MYZAP: variants seen among roughly 807,000 people sequenced by gnomAD.
MYZAP encodes the protein myocardial zonula adherens protein.
Under a neutral mutation model 69.4 loss-of-function variants are expected in MYZAP, and 66 were observed. The ratio of observed to expected loss-of-function variants is 0.95; its 90% CI spans 0.78 to 1.17. The LOEUF (loss-of-function observed/expected upper bound fraction) is 1.17, where lower values mean the gene tolerates loss of function less well. Ranked by LOEUF, MYZAP falls within the 50% of genes most tolerant of loss-of-function variation. The pLI is 0.00. For synonymous variants in MYZAP, 256 were observed against 205.9 expected (o/e 1.24, Z -2.09); for missense variants, 611 against 556.2 (o/e 1.10, Z -0.99).
chr15:57,676,288 A>G (rs1422139189), intron 12 of MYZAP, among the ~76,000 whole-genome samples: 1 of 151,828 alleles, frequency 6.6e-6, no homozygotes, highest in Non-Finnish European at 1.5e-5. Context: ...CAAAGAATTT[A>G]CCAAAAGCGG....
chr15:57,625,649 A>T, intron 4 of MYZAP, 130 bp from the exon 5 acceptor site: 1 of 813,806 alleles, frequency 1.2e-6, no homozygotes, highest in Non-Finnish European at 2.0e-6. Flanking sequence ...TTGACTTTTA[A>T]TTTAAAGCTT....
chr15:57,623,135 C>T (rs532789482), intron 4 of MYZAP, among the ~76,000 whole-genome samples: 2 of 152,278 alleles, frequency 1.3e-5, no homozygotes, highest in South Asian at 4.2e-4. Flanking sequence ...AAAACCATCC[C>T]ATGATATAAT....
At chr15:57,621,852 T>G (rs888154597) in intron 4 of MYZAP, 152 bp downstream of exon 4, 2 of 681,698 alleles carry the variant, frequency 2.9e-6, no homozygotes, top group Non-Finnish European at 4.4e-6. Context: ...TATCACAGAA[T>G]GAAATTTATT....
chr15:57,676,763 T>A (rs1041980208), intron 12 of MYZAP, among the ~76,000 whole-genome samples: 4 of 152,140 alleles, frequency 2.6e-5, no homozygotes, highest in Admixed American at 2.6e-4. Context: ...TATGCCCAAG[T>A]ATAGCCTGAA....
chr15:57,626,758 A>G (rs1274273297), intron 5 of MYZAP, among the ~76,000 whole-genome samples: 1 of 152,142 alleles, frequency 6.6e-6, no homozygotes, highest in Non-Finnish European at 1.5e-5. Flanking sequence ...TCATGTTGGG[A>G]TTCTCCACTT....
chr15:57,621,498 C>T (rs1287874596), intron 3 of MYZAP, 110 bp from the exon 4 acceptor site: 29 of 1,250,132 alleles, frequency 2.3e-5, no homozygotes, highest in Non-Finnish European at 3.0e-5. Flanking sequence ...AGGCTTGAGC[C>T]ACCGCACCTG....
chr15:57,643,152 G>A (rs1395209187), intron 10 of MYZAP, among the ~76,000 whole-genome samples: 1 of 152,092 alleles, frequency 6.6e-6, no homozygotes. Context: ...TCTTATAGCC[G>A]GAAAATATAG....
intron 7 of MYZAP, 131 bp downstream of exon 7, chr15:57,632,690 A>T: frequency 6.9e-7 from 1 of 1,439,020 alleles, no homozygotes; most frequent in Non-Finnish European, 9.3e-7. Flanking sequence ...GGGATCAAGG[A>T]ATTATTCATC....
chr15:57,656,605 C>T (rs1336521821), intron 10 of MYZAP, among the ~76,000 whole-genome samples: 4 of 152,064 alleles, frequency 2.6e-5, no homozygotes, highest in Admixed American at 6.6e-5. Context: ...AAGCTGAGTG[C>T]GTCACTTGGG....
intron 1 of MYZAP, among the ~76,000 whole-genome samples, chr15:57,594,414 C>T (rs1479112532): frequency 2.0e-5 from 3 of 152,160 alleles, no homozygotes; most frequent in African/African-American, 7.2e-5. Flanking sequence ...CCCAGCCCCG[C>T]CTACTGGTGA....
At chr15:57,627,902 C>G (rs1394715917) in intron 5 of MYZAP, among the ~76,000 whole-genome samples, 1 of 152,112 alleles carries the variant, frequency 6.6e-6, no homozygotes, top group Non-Finnish European at 1.5e-5. Context: ...CCTTGAAGCT[C>G]AAATGTTCTG....
intron 3 of MYZAP, among the ~76,000 whole-genome samples, chr15:57,619,571 C>G (rs187812624): frequency 2.0e-4 from 31 of 152,284 alleles, no homozygotes; most frequent in Admixed American, 2.0e-3. Flanking sequence ...AGACTGGTCT[C>G]AAACTCCTGG....
chr15:57,672,104 A>G (rs149931450), intron 11 of MYZAP, among the ~76,000 whole-genome samples: 40 of 152,302 alleles, frequency 2.6e-4, no homozygotes, highest in Middle Eastern at 3.4e-3. Context: ...TTCTCCAGAC[A>G]TGCATGGTTC....
intron 5 of MYZAP, among the ~76,000 whole-genome samples, chr15:57,627,884 C>T (rs2036257689): frequency 6.6e-6 from 1 of 152,156 alleles, no homozygotes; most frequent in South Asian, 2.1e-4. Flanking sequence ...TAGGTGGTTT[C>T]TAAAGCCCCT....
At chr15:57,635,756 C>A (rs953740111) in intron 8 of MYZAP, among the ~76,000 whole-genome samples, 1 of 152,240 alleles carries the variant, frequency 6.6e-6, no homozygotes, top group Non-Finnish European at 1.5e-5. Flanking sequence ...AACGGCATGT[C>A]CTAGGCAGGG....
intron 1 of MYZAP, among the ~76,000 whole-genome samples, chr15:57,592,601 G>T (rs1000164108): frequency 6.6e-6 from 1 of 152,180 alleles, no homozygotes; most frequent in Non-Finnish European, 1.5e-5. Context: ...GCAGCCGGCC[G>T]CCCAGGAGCC....
chr15:57,668,634 T>C (rs2038710475), intron 11 of MYZAP, among the ~76,000 whole-genome samples: 1 of 152,164 alleles, frequency 6.6e-6, no homozygotes, highest in Admixed American at 6.5e-5. Flanking sequence ...ATGCTGAGCA[T>C]CTTTTCTTCT....
chr15:57,628,177 A>C (rs11629647), intron 5 of MYZAP, among the ~76,000 whole-genome samples: 1 of 152,332 alleles, frequency 6.6e-6, no homozygotes, highest in East Asian at 1.9e-4. Flanking sequence ...TGACTTTCCA[A>C]CGGCACAGAT....
intron 11 of MYZAP, among the ~76,000 whole-genome samples, chr15:57,671,333 T>C (rs1450992416): frequency 1.3e-5 from 2 of 152,156 alleles, no homozygotes; most frequent in Non-Finnish European, 1.5e-5. Context: ...TTTCTTCATT[T>C]GTGGTTTTCA....
Sources: allele counts gnomAD v4.1 joint callset (sites outside exome capture counted in the v4.1 genomes callset), GRCh38; gene constraint gnomAD v4.1.1; transcripts MANE v1.5; gene names NCBI Gene and HGNC (gene_info 2026-07-23, HGNC 2026-07-21).